The following TSHR variants were observed in gnomAD, a reference collection of about 807,000 sequenced individuals.
TSHR encodes thyroid stimulating hormone receptor.
A neutral mutation model predicts 64.1 loss-of-function variants in TSHR; 51 were observed. That is an observed-to-expected ratio of 0.80 (90% CI 0.64 to 1.01). TSHR has a LOEUF of 1.01. TSHR is among the 50% of genes least tolerant of loss of function. The probability of loss-of-function intolerance (pLI) is 0.00; values close to 1 mark genes in which losing one functional copy is unlikely to be tolerated. For missense variants in TSHR, 877 were observed against 942.8 expected (o/e 0.93, Z 0.91); for synonymous variants, 361 against 361.9 (o/e 1.00, Z 0.03).
At chr14:81,083,240 A>G (rs1019097001) in intron 3 of TSHR, among the ~76,000 whole-genome samples, 1 of 152,168 alleles carries the variant, frequency 6.6e-6, no homozygotes, top group Non-Finnish European at 1.5e-5. Flanking sequence ...GAATTAATCA[A>G]TGTTTCTTAG....
At chr14:81,124,055 T>C (rs1401201809) in intron 8 of TSHR, among the ~76,000 whole-genome samples, 1 of 152,208 alleles carries the variant, frequency 6.6e-6, no homozygotes, top group African/African-American at 2.4e-5. Context: ...TAGCATATTG[T>C]TGAGTAAGTA....
intron 1 of TSHR, chr14:81,012,869 A>T: frequency 6.6e-6 from 1 of 151,908 alleles, no homozygotes; most frequent in Admixed American, 6.6e-5. Context: ...AGGTTGCGAA[A>T]ATTTTCTCCC....
At chr14:81,041,644 C>A (rs1884929302) in intron 1 of TSHR, among the ~76,000 whole-genome samples, 1 of 152,066 alleles carries the variant, frequency 6.6e-6, no homozygotes, top group Non-Finnish European at 1.5e-5. Flanking sequence ...ATGGAACAAA[C>A]CTGCACTTGT....
chr14:81,114,881 C>T (rs1021482876), intron 8 of TSHR, among the ~76,000 whole-genome samples: 7 of 152,074 alleles, frequency 4.6e-5, no homozygotes, highest in Non-Finnish European at 8.8e-5. Context: ...CCCTGACCCC[C>T]GAGCAGCCTA....
At chr14:81,048,458 G>T (rs1466140940) in intron 1 of TSHR, among the ~76,000 whole-genome samples, 1 of 151,930 alleles carries the variant, frequency 6.6e-6, no homozygotes, top group African/African-American at 2.4e-5. Flanking sequence ...TACTAGGTTC[G>T]TTGGCCTGTC....
At chr14:80,956,226 G>T (rs1886672800) in intron 1 of TSHR, among the ~76,000 whole-genome samples, 1 of 152,112 alleles carries the variant, frequency 6.6e-6, no homozygotes, top group African/African-American at 2.4e-5. Context: ...TCTTACCTTG[G>T]GTAATAAAAA....
At chr14:81,011,328 G>A (rs1275741591) in intron 1 of TSHR, among the ~76,000 whole-genome samples, 1 of 151,912 alleles carries the variant, frequency 6.6e-6, no homozygotes, top group East Asian at 1.9e-4. Context: ...AGGGAAAATA[G>A]ATAGACAAAA....
Position 81,092,583 on chromosome 14 carries a change from G to A in TSHR, c.520G>A (p.Gly174Arg), listed in dbSNP as rs1888833844. Residue 174 changes from glycine (G) to arginine (R), a missense_variant, in exon 6 of 10, where the codon GGA becomes AGA. By Grantham distance (125) the Gly-to-Arg change is moderately radical. Transcript: ENST00000298171. ...MTSIPVNAFQ[G>R]LCNETLTLKL... is the part of the protein sequence containing the mutation. Reference sequence around the variant, plus strand: ...GTCAATCCCTGTGAATGCTTTTCAGGGACTATGCAATGAAACCTTGACACT... The same window carrying A: ...GTCAATCCCTGTGAATGCTTTTCAGAGACTATGCAATGAAACCTTGACACT... The A allele has an allele frequency of 6.2e-7, 1 of 1,613,752 alleles. No individual in the cohort carries two copies. Among genetic ancestry groups the A allele is most frequent in the Non-Finnish European group, 8.5e-7 (1 of 1,179,940 alleles).
chr14:81,053,074 T>A (rs1885525849), intron 1 of TSHR: 1 of 152,094 alleles, frequency 6.6e-6, no homozygotes, highest in Non-Finnish European at 1.5e-5. Context: ...ATAGTATCAG[T>A]CAAAGTTGAA....
At chr14:81,065,597 A>G (rs1414009560) in intron 2 of TSHR, among the ~76,000 whole-genome samples, 1 of 152,136 alleles carries the variant, frequency 6.6e-6, no homozygotes, top group Non-Finnish European at 1.5e-5. Context: ...GTTAAGTGAT[A>G]GGGGTCCCTG....
At chr14:81,104,683 T>C (rs1595120903) in intron 7 of TSHR, 1 of 985,392 alleles carries the variant, frequency 1.0e-6, no homozygotes, top group East Asian at 1.1e-4. Flanking sequence ...AGTTTGTCAA[T>C]CGAATATTTT....
intron 8 of TSHR, 67 bp downstream of exon 8, chr14:81,108,519 A>G (rs776563777): frequency 1.0e-5 from 7 of 678,302 alleles, no homozygotes; most frequent in Middle Eastern, 3.1e-4. Context: ...GAATAAATGG[A>G]GACATTAAGG....
intron 1 of TSHR, among the ~76,000 whole-genome samples, chr14:80,975,261 A>G (rs569239841): frequency 6.6e-6 from 1 of 152,358 alleles, no homozygotes; most frequent in Non-Finnish European, 1.5e-5. Context: ...CTATTAAAAC[A>G]AAGCAACACA....
chr14:81,015,072 G>T (rs1193769231), intron 1 of TSHR, among the ~76,000 whole-genome samples: 2 of 152,156 alleles, frequency 1.3e-5, no homozygotes, highest in African/African-American at 4.8e-5. Flanking sequence ...TTAGGATCAT[G>T]ATCAGAGTTT....
chr14:81,037,763 C>T lies in TSHR; in HGVS notation c.171-24385C>T, dbSNP rs1426249353. ...GAAGGTAAATCTATACTAAAGGGGT[C>T]AATTAGCAACCAATTAAAACAATTC... On this transcript the variant is annotated intron_variant, in intron 1 of 9. Coordinates refer to ENST00000298171, the MANE Select transcript of TSHR (RefSeq NM_000369.5). Among the ~76,000 whole-genome samples the T allele has an allele frequency of 2.0e-5, 3 of 151,952 alleles. No homozygotes were observed. In the East Asian group the frequency reaches 5.8e-4, roughly 29 times the overall value.
rs1015614378 is a variant in TSHR at position 80,957,588 on chromosome 14, T to C, written c.170+1738T>C. On this transcript the variant is annotated intron_variant, in intron 1 of 9. Coordinates refer to ENST00000298171, the MANE Select transcript of TSHR (RefSeq NM_000369.5). Reference sequence around the variant, plus strand: ...ACTTCTTCAGAGACTTCTTTAACAGTGGCAGAAATTCAAGTCATTGAAGAG... The same window carrying C: ...ACTTCTTCAGAGACTTCTTTAACAGCGGCAGAAATTCAAGTCATTGAAGAG... 3.3e-5 allele frequency among the ~76,000 whole-genome samples: 5 copies of C among 152,286 alleles called. No individual in the cohort carries two copies. In the South Asian group the frequency reaches 6.2e-4, roughly 19 times the overall value.
At chr14:81,055,576 G>A (rs1885729567) in intron 1 of TSHR, among the ~76,000 whole-genome samples, 1 of 152,210 alleles carries the variant, frequency 6.6e-6, no homozygotes, top group East Asian at 1.9e-4. Flanking sequence ...GGGCAGAGCT[G>A]TCCAACACCA....
intron 7 of TSHR, 24 bp from the exon 8 acceptor site, chr14:81,108,351 C>G (rs757753536): frequency 4.7e-5 from 74 of 1,571,718 alleles, no homozygotes; most frequent in Non-Finnish European, 6.4e-5. Context: ...CATTCTCTCT[C>G]TCTCTTTCTC....
intron 1 of TSHR, among the ~76,000 whole-genome samples, chr14:81,010,888 G>A (rs922253904): frequency 6.0e-5 from 9 of 149,180 alleles, no homozygotes; most frequent in African/African-American, 2.2e-4. Flanking sequence ...TTAAACTGAA[G>A]TTGGGTAAAT....
Sources: allele counts gnomAD v4.1 joint callset (sites outside exome capture counted in the v4.1 genomes callset), GRCh38; gene constraint gnomAD v4.1.1; transcripts MANE v1.5; gene names NCBI Gene and HGNC (gene_info 2026-07-23, HGNC 2026-07-21).